Variants in SH2D5 observed in about 807,000 individuals in gnomAD.
SH2D5 encodes the protein SH2 domain containing 5.
SH2D5 carries 45 observed loss-of-function variants against 48.2 expected under a neutral mutation model. The observed-to-expected ratio is 0.93, with a 90% CI of 0.73 to 1.20. SH2D5 has a LOEUF of 1.20. Ranked by LOEUF, SH2D5 falls within the 50% of genes most tolerant of loss-of-function variation. The probability of loss-of-function intolerance (pLI) is 0.00; values close to 1 mark genes in which losing one functional copy is unlikely to be tolerated. For synonymous variants in SH2D5, 230 were observed against 249.8 expected, an observed-to-expected ratio of 0.92 and a Z score of 0.75; for missense variants, 538 against 584.1, an observed-to-expected ratio of 0.92 and a Z score of 0.81.
At chr1:20,723,503 G>A (rs370377186) in intron 8 of SH2D5, 123 bp downstream of exon 8, 6 of 686,854 alleles carry the variant, frequency 8.7e-6, no homozygotes, top group African/African-American at 3.6e-5. Context: ...CCAGGCCTGA[G>A]GTCACTGAGG....
rs775917299 is a variant in SH2D5 at position 20,727,980 on chromosome 1, C to T, written c.65G>A (p.Arg22Lys). The change falls in exon 2 of 10, where the codon AGG becomes AAG. Residue 22 changes from arginine (R) to lysine (K), a missense_variant. Arg to Lys is a conservative substitution (Grantham distance 26). Transcript: ENST00000444387. The stretch of plus-strand genomic sequence containing the variant: ...CACCTGGGCAAACTTGGTGATGCAC[C>T]TGGGCCGGTGAGGGGCCAGCCCGCA... ...SDCGLAPHRPRCITKFAQYVG... is the reference protein window; with the variant it reads ...SDCGLAPHRPKCITKFAQYVG... The T allele has an allele frequency of 6.4e-7, 1 of 1,572,928 alleles. No homozygotes were observed. The highest frequency in any genetic ancestry group is 8.6e-7 in the Non-Finnish European group (1 of 1,159,902).
chr1:20,729,661 G>C lies in SH2D5; in HGVS notation c.-42-1575C>G, dbSNP rs763310226. ...ATCCAACAGAGCCCTGGGCAGCAACGACGGGTCCCGGGTGTGCTCCCACTC... is the reference window on the plus strand; with the variant it reads ...ATCCAACAGAGCCCTGGGCAGCAACCACGGGTCCCGGGTGTGCTCCCACTC... On this transcript the variant is annotated intron_variant, in intron 1 of 9. Transcript: ENST00000444387. The surrounding 1 kb of genome is among the most constrained non-coding windows in gnomAD (Gnocchi z 4.2). 6.6e-6 allele frequency among the ~76,000 whole-genome samples: 1 copy of C among 152,036 alleles called. No homozygotes were observed. The highest frequency in any genetic ancestry group is 1.5e-5 in the Non-Finnish European group (1 of 68,022).
intron 3 of SH2D5, 32 bp downstream of exon 3, chr1:20,727,491 C>T (rs372495220): frequency 6.4e-7 from 1 of 1,570,164 alleles, no homozygotes; most frequent in Non-Finnish European, 8.7e-7. Flanking sequence ...GCTGTGACTT[C>T]CACTAGGGAA....
rs1289259602 is a variant in SH2D5, at chr1:20,723,940, AAC to A, written c.799+141_799+142del. The A allele has an allele frequency of 1.0e-4, 120 of 1,156,102 alleles. 2 individuals carry two copies. In the South Asian group the frequency reaches 1.4e-3, roughly 13 times the overall value. The allele number at this position is 1,156,102 out of a possible 1,614,324, so 71.6% of individuals were successfully genotyped here. On this transcript the variant is annotated intron_variant, in intron 7 of 9. Coordinates refer to ENST00000444387, the MANE Select transcript of SH2D5 (RefSeq NM_001103161.2). ...CTTTGCACAGACACGGATGCAGGCA[AAC>A]ACACACAGTGCACAGGCATCACTTG... is the stretch of plus-strand genomic sequence containing the variant.
rs761914495 is a variant in SH2D5 at position 20,727,001 on chromosome 1, C to G, written c.243G>C (p.Glu81Asp). 1.2e-6 allele frequency: 2 copies of G among 1,610,140 alleles called. No individual in the cohort carries two copies. The highest frequency in any genetic ancestry group is 1.7e-6 in the Non-Finnish European group (2 of 1,178,188). The stretch of plus-strand genomic sequence containing the variant: ...CACCTGCACCCACAGGGGTTCCTAC[C>G]TCACCCTCCCCGCTGTAGATCTTGA... ...QGLKIYSGEGEVLLMAHALRR... is the reference protein window; with the variant it reads ...QGLKIYSGEGDVLLMAHALRR... Residue 81 changes from glutamate to aspartate, a missense_variant and splice_region_variant, in exon 4 of 10, where the codon GAG becomes GAC. Coordinates refer to ENST00000444387, the MANE Select transcript of SH2D5 (RefSeq NM_001103161.2).
intron 9 of SH2D5, among the ~76,000 whole-genome samples, chr1:20,722,213 G>A (rs1236958052): frequency 6.6e-6 from 1 of 152,190 alleles, no homozygotes; most frequent in Non-Finnish European, 1.5e-5. Context: ...GGGTACACAT[G>A]TGAAAAGCCT....
chr1:20,723,599 C>T lies in SH2D5; in HGVS notation c.908+27G>A, dbSNP rs191142602. 4.0e-3 allele frequency: 6,296 copies of T among 1,571,198 alleles called. 26 individuals are homozygous for T. Among genetic ancestry groups the T allele is most frequent in the South Asian group, 5.7e-3 (506 of 89,284 alleles). On this transcript the variant is annotated intron_variant, in intron 8 of 9. Transcript: ENST00000444387. ...TCTCTGCCCACCCCAAGGGACTGGG[C>T]GTCAGGCCAGGCCAGGCCCTTCCTA...
rs1013815377 is a variant in SH2D5 at position 20,729,686 on chromosome 1, C to G, written c.-42-1600G>C. Among the ~76,000 whole-genome samples, 1 of 152,114 alleles carries G rather than the reference C, an allele frequency of 6.6e-6. No homozygotes were observed. Among genetic ancestry groups the G allele is most frequent in the Non-Finnish European group, 1.5e-5 (1 of 68,030 alleles). On this transcript the variant is annotated intron_variant, in intron 1 of 9. Coordinates refer to ENST00000444387, the MANE Select transcript of SH2D5 (RefSeq NM_001103161.2). The surrounding 1 kb of genome is among the most constrained non-coding windows in gnomAD (Gnocchi z 4.2). ...GACGGGTCCCGGGTGTGCTCCCACT[C>G]AAGGAGGAGGGCTGGGGTGCTTTGG... is the stretch of plus-strand genomic sequence containing the variant.
rs1475616520 is a variant in SH2D5, at chr1:20,727,214, C to G, written c.169-139G>C. 4 of 723,678 alleles carry G rather than the reference C, an allele frequency of 5.5e-6. No homozygotes were observed. In the South Asian group the frequency reaches 8.0e-5, roughly 14 times the overall value. The allele number at this position is 723,678 out of a possible 1,614,324, so 44.8% of individuals were successfully genotyped here. On this transcript the variant is annotated intron_variant, in intron 3 of 9. Coordinates refer to ENST00000444387, the MANE Select transcript of SH2D5 (RefSeq NM_001103161.2). The stretch of plus-strand genomic sequence containing the variant: ...GGGGGTGGGGCCCTGGCTGGTGGAC[C>G]CCCCTGGCGCTGGGGAAGTGGGGAT...
rs755745800 is a variant in SH2D5 at position 20,724,477 on chromosome 1, G to A, written c.549C>T (p.Phe183=). 22 of 1,612,736 alleles carry A rather than the reference G, an allele frequency of 1.4e-5. No individual in the cohort carries two copies. Among genetic ancestry groups the A allele is most frequent in the East Asian group, 4.5e-5 (2 of 44,878 alleles). ...SSSGGLVREP[F]GRDQLSQNVH... The stretch of plus-strand genomic sequence containing the variant: ...CGTTCTGAGAGAGCTGATCACGGCC[G>A]AAGGGCTCCCGCACCAGGCCCCCAG... Residue 183 remains phenylalanine, a synonymous_variant, in exon 6 of 10, where the codon TTC becomes TTT. Transcript: ENST00000444387.
intron 1 of SH2D5, among the ~76,000 whole-genome samples, chr1:20,730,018 A>G (rs1346794241): frequency 1.3e-5 from 2 of 152,232 alleles, no homozygotes; most frequent in African/African-American, 4.8e-5. Context: ...CCGGCACTAA[A>G]GCCACATGAC....
Position 20,728,342 on chromosome 1 carries a change from T to G in SH2D5, c.-42-256A>C, listed in dbSNP as rs1268611533. Among the ~76,000 whole-genome samples the G allele has an allele frequency of 6.6e-6, 1 of 152,104 alleles. No individual in the cohort carries two copies. The highest frequency in any genetic ancestry group is 1.5e-5 in the Non-Finnish European group (1 of 68,006). ...AGATAGATCATACGTGAGATGGGGATGGAGCAGGGAGGAGAATGGGAAACG... is the reference window on the plus strand; with the variant it reads ...AGATAGATCATACGTGAGATGGGGAGGGAGCAGGGAGGAGAATGGGAAACG... On this transcript the variant is annotated intron_variant, in intron 1 of 9. Transcript: ENST00000444387. The surrounding 1 kb of genome is among the most constrained non-coding windows in gnomAD (Gnocchi z 4.3).
chr1:20,724,581 G>C lies in SH2D5; in HGVS notation c.445C>G (p.Gln149Glu), dbSNP rs185636102. 9.8e-5 allele frequency: 157 copies of C among 1,595,014 alleles called. 1 individual carries two copies. In the East Asian group the frequency reaches 2.3e-3, roughly 23 times the overall value. ...GGCTGTGCCCGCTCCTCAGGGTGCT[G>C]CAAGAGGTAAGCCAGCTGGAAAGAG... ...CRSFQLAYLL[Q>E]HPEERAQPEP... is the part of the protein sequence containing the mutation. The change falls in exon 6 of 10, where the codon CAG becomes GAG. Residue 149 changes from glutamine (Q) to glutamate (E), a missense_variant. Coordinates refer to ENST00000444387, the MANE Select transcript of SH2D5 (RefSeq NM_001103161.2).
In SH2D5 at chr1:20,727,078, G is replaced by C; in HGVS notation, c.169-3C>G. ...ACGGCCCGGCGTCGGGGACAGTCCTGGGTGGAAAAGAGTAGTGGGGACAGG... is the reference window on the plus strand; with the variant it reads ...ACGGCCCGGCGTCGGGGACAGTCCTCGGTGGAAAAGAGTAGTGGGGACAGG... On this transcript the variant is annotated splice_polypyrimidine_tract_variant and splice_region_variant and intron_variant, in intron 3 of 9. Transcript: ENST00000444387. The C allele has an allele frequency of 6.2e-7, 1 of 1,609,992 alleles. No individual in the cohort carries two copies.
In SH2D5 at chr1:20,724,039, C is replaced by A. The variant is rs370251408; in HGVS notation, c.799+44G>T. 1.9e-6 allele frequency: 3 copies of A among 1,589,130 alleles called. No individual in the cohort carries two copies. The South Asian group carries it at 3.3e-5, about 18-fold the overall frequency. Reference sequence around the variant, plus strand: ...TGGCTGGTCCAGGAGCGCACGGGCACGTGTCCCAGGTACACACAGGGCAGG... The same window carrying A: ...TGGCTGGTCCAGGAGCGCACGGGCAAGTGTCCCAGGTACACACAGGGCAGG... On this transcript the variant is annotated intron_variant, in intron 7 of 9. Coordinates refer to ENST00000444387, the MANE Select transcript of SH2D5 (RefSeq NM_001103161.2).
rs2054925446 is a variant in SH2D5 at position 20,732,340 on chromosome 1, C to A, written c.-202G>T. 1 of 152,208 alleles carries A rather than the reference C, an allele frequency of 6.6e-6. No individual in the cohort carries two copies. Among genetic ancestry groups the A allele is most frequent in the Non-Finnish European group, 1.5e-5 (1 of 68,072 alleles). 9.4% of individuals were successfully genotyped at this position (152,208 alleles called of 1,614,324 possible). ...CCTCCCGGGCTGGGGGCGCTGAATC[C>A]CCCGCGCCTCACTCACGGGTCCCTC... is the stretch of plus-strand genomic sequence containing the variant. On this transcript the variant is annotated 5_prime_UTR_variant, in exon 1 of 10. Transcript: ENST00000444387. The surrounding 1 kb of genome is among the most constrained non-coding windows in gnomAD (Gnocchi z 5.1).
chr1:20,727,731 T>C (rs2054829965), intron 2 of SH2D5, 128 bp from the exon 3 acceptor site: 3 of 995,418 alleles, frequency 3.0e-6, no homozygotes, highest in Non-Finnish European at 4.5e-6. Context: ...CAGAGCTCGA[T>C]TCTCGGAGCC....
chr1:20,726,170 C>G, intron 4 of SH2D5, 104 bp from the exon 5 acceptor site: 1 of 1,373,274 alleles, frequency 7.3e-7, no homozygotes, highest in Non-Finnish European at 9.8e-7. Context: ...TCCAGGCCCG[C>G]CCAGTCTCAA....
rs376947239 is a variant in SH2D5, at chr1:20,726,009, C to T, written c.301G>A (p.Asp101Asn). 5.2e-5 allele frequency: 84 copies of T among 1,612,526 alleles called. No individual in the cohort carries two copies. The highest frequency in any genetic ancestry group is 6.0e-5 in the Non-Finnish European group (71 of 1,179,672). Reference protein sequence around the residue: ...RILYSTWCPADCQFAFMARNP... With the variant: ...RILYSTWCPANCQFAFMARNP... Reference sequence around the variant, plus strand: ...CGAGCCATGAAGGCAAACTGGCAGTCGGCAGGGCACCAGGTGGAGTAGAGT... The same window carrying T: ...CGAGCCATGAAGGCAAACTGGCAGTTGGCAGGGCACCAGGTGGAGTAGAGT... The change falls in exon 5 of 10, where the codon GAC becomes AAC. Residue 101 changes from aspartate (D) to asparagine (N), a missense_variant. Physicochemically the swap from Asp to Asn is conservative, Grantham distance 23. Transcript: ENST00000444387.
Sources: gnomAD v4.1 joint callset for allele counts (sites outside exome capture counted in the v4.1 genomes callset) on GRCh38, gnomAD v4.1.1 for gene constraint, Gnocchi (gnomAD v3.1) non-coding constraint, MANE v1.5 for transcripts, NCBI Gene and HGNC (gene_info 2026-07-23, HGNC 2026-07-21) for gene names.